Variants in C4orf51 observed in about 807,000 individuals in gnomAD.
C4orf51 encodes chromosome 4 open reading frame 51, also known as uncharacterized protein C4orf51.
C4orf51 carries 25 observed loss-of-function variants against 25.2 expected under a neutral mutation model. The observed-to-expected ratio is 0.99, with a 90% CI of 0.72 to 1.39. The LOEUF (loss-of-function observed/expected upper bound fraction) is 1.39, where lower values mean the gene tolerates loss of function less well. C4orf51 is among the 40% of genes most tolerant of loss of function. C4orf51 has a pLI of 0.00. For missense variants in C4orf51, 252 were observed against 239.6 expected (o/e 1.05, Z -0.34); for synonymous variants, 100 against 84.5 (o/e 1.18, Z -1.01).
intron 2 of C4orf51, among the ~76,000 whole-genome samples, chr4:145,714,113 C>A: frequency 6.6e-6 from 1 of 152,204 alleles, no homozygotes; most frequent in East Asian, 1.9e-4. Context: ...TGCTATTGCA[C>A]ACCTAATAGA....
intron 2 of C4orf51, among the ~76,000 whole-genome samples, chr4:145,703,296 C>T (rs905817978): frequency 6.6e-6 from 1 of 151,812 alleles, no homozygotes; most frequent in African/African-American, 2.4e-5. Flanking sequence ...CCACTGAGCA[C>T]CTTGCGACCC....
intron 1 of C4orf51, among the ~76,000 whole-genome samples, chr4:145,689,656 A>G (rs980251104): frequency 1.3e-5 from 2 of 152,148 alleles, no homozygotes; most frequent in Non-Finnish European, 2.9e-5. Flanking sequence ...AAAGACTATT[A>G]ATATTAAGTG....
intron 2 of C4orf51, among the ~76,000 whole-genome samples, chr4:145,717,443 A>G (rs1731483771): frequency 6.6e-6 from 1 of 152,272 alleles, no homozygotes; most frequent in Admixed American, 6.5e-5. Flanking sequence ...ACATCAAAGC[A>G]GAACTATTTA....
chr4:145,770,859 C>T (rs1222843194), intron 1 of C4orf51: 1 of 152,182 alleles, frequency 6.6e-6, no homozygotes, highest in Non-Finnish European at 1.5e-5. Context: ...ACATTTTAAG[C>T]CTCTTGGTAT....
intron 5 of C4orf51, 91 bp downstream of exon 5, chr4:145,730,056 G>A: frequency 9.6e-7 from 1 of 1,041,336 alleles, no homozygotes. Flanking sequence ...AGCAGGGGTG[G>A]TGGCCTGTGT....
chr4:145,700,573 C>T (rs1730368808), intron 2 of C4orf51, among the ~76,000 whole-genome samples: 1 of 152,182 alleles, frequency 6.6e-6, no homozygotes, highest in Non-Finnish European at 1.5e-5. Context: ...TTCCATCCTA[C>T]AAGATCTGAA....
At chr4:145,718,007 A>G (rs564251980) in intron 2 of C4orf51, among the ~76,000 whole-genome samples, 43 of 152,330 alleles carry the variant, frequency 2.8e-4, no homozygotes, top group African/African-American at 9.6e-4. Flanking sequence ...AGCAGAAGCA[A>G]CTTTATGAAG....
At chr4:145,741,964 G>A (rs970994634) in intron 1 of C4orf51, among the ~76,000 whole-genome samples, 17 of 152,260 alleles carry the variant, frequency 1.1e-4, no homozygotes, top group African/African-American at 4.1e-4. Flanking sequence ...GCCTCCCAAA[G>A]TGCTGAGATT....
Position 145,684,699 on chromosome 4 carries a change from G to C in C4orf51, c.233+4263G>C, listed in dbSNP as rs564422913. ...AGTGGGGAGGCTATGAATTTGAAGG[G>C]ACAGGAGGTTTATGGGAAATCTCTG... On this transcript the variant is annotated intron_variant, in intron 1 of 5. Transcript: ENST00000438731. Among the ~76,000 whole-genome samples, 4 of 152,212 alleles carry C rather than the reference G, an allele frequency of 2.6e-5. No homozygotes were observed. In the South Asian group the frequency reaches 8.3e-4, roughly 32 times the overall value.
intron 2 of C4orf51, among the ~76,000 whole-genome samples, chr4:145,708,139 G>A (rs1009619561): frequency 6.6e-6 from 1 of 152,174 alleles, no homozygotes; most frequent in Admixed American, 6.5e-5. Flanking sequence ...TAGTGGGCTC[G>A]CAGAGCAGCC....
At position 145,761,226 on chromosome 4, in the gene C4orf51, G is replaced by A. The variant is rs537093179; in HGVS notation, n.167-9762G>A. On this transcript the variant is annotated intron_variant and non_coding_transcript_variant, in intron 1 of 1. Coordinates refer to the C4orf51 transcript ENST00000510096. This position sits in a 1 kb window ranked among gnomAD's most constrained non-coding sequence, Gnocchi z 6.8. ...GCTTCTTGACGTGGCGGCTGAAGAC[G>A]AAAGGGTGTGTGGTCTTGAACAGGC... is the stretch of plus-strand genomic sequence containing the variant. The A allele has an allele frequency of 2.9e-4, 375 of 1,289,884 alleles. 1 individual carries two copies. The highest frequency in any genetic ancestry group is 6.4e-4 in the Middle Eastern group (3 of 4,696). 79.9% of individuals were successfully genotyped at this position (1,289,884 alleles called of 1,614,324 possible). A position where few individuals can be genotyped will look rare whatever the true frequency, so the allele number is the denominator to read the frequency against.
the C4orf51 span, chr4:145,779,579 T>G: frequency 6.4e-7 from 1 of 1,566,088 alleles, no homozygotes; most frequent in Non-Finnish European, 8.7e-7. Flanking sequence ...TAGTCAACAT[T>G]CAGGATTTCA....
chr4:145,730,468 G>T (rs533378484), intron 5 of C4orf51, among the ~76,000 whole-genome samples: 1 of 151,900 alleles, frequency 6.6e-6, no homozygotes, highest in African/African-American at 2.4e-5. Flanking sequence ...CAAACCCCAG[G>T]GCTTTTAAAC....
At chr4:145,755,696 A>G (rs566219793), downstream of C4orf51, among the ~76,000 whole-genome samples, 2 of 152,278 alleles carry the variant, frequency 1.3e-5, no homozygotes, top group African/African-American at 4.8e-5. Flanking sequence ...CACTTCACTT[A>G]CCCTGGGGCC....
the C4orf51 span, among the ~76,000 whole-genome samples, chr4:145,790,237 C>A: frequency 6.6e-6 from 1 of 152,082 alleles, no homozygotes; most frequent in East Asian, 1.9e-4. Flanking sequence ...AAAACATTAT[C>A]ATTGTTTGGG....
intron 2 of C4orf51, among the ~76,000 whole-genome samples, chr4:145,717,515 T>C (rs1731487428): frequency 6.6e-6 from 1 of 152,278 alleles, no homozygotes; most frequent in Non-Finnish European, 1.5e-5. Context: ...AATTTTGGAC[T>C]ATCAACATTA....
At position 145,732,598 on chromosome 4, in the gene C4orf51, T is replaced by C. The variant is rs1732539539; in HGVS notation, c.*38T>C. The C allele has an allele frequency of 6.8e-7, 1 of 1,471,648 alleles. No homozygotes were observed. The highest frequency in any genetic ancestry group is 1.2e-5 in the South Asian group (1 of 83,470). 91.2% of individuals were successfully genotyped at this position (1,471,648 alleles called of 1,614,324 possible). On this transcript the variant is annotated 3_prime_UTR_variant, in exon 6 of 6. Coordinates refer to ENST00000438731, the MANE Select transcript of C4orf51 (RefSeq NM_001080531.3). Reference sequence around the variant, plus strand: ...AGCCACAAGGCTGGAGGCGTGGAGTTTGCTTAATAAACAACTTTGAGGTAT... The same window carrying C: ...AGCCACAAGGCTGGAGGCGTGGAGTCTGCTTAATAAACAACTTTGAGGTAT...
chr4:145,726,498 C>A (rs960003693), intron 2 of C4orf51, among the ~76,000 whole-genome samples: 1 of 152,138 alleles, frequency 6.6e-6, no homozygotes. Flanking sequence ...ACTTCCCAGG[C>A]TCAGGCAATC....
At chr4:145,708,356 T>C (rs925117119) in intron 2 of C4orf51, among the ~76,000 whole-genome samples, 1 of 152,226 alleles carries the variant, frequency 6.6e-6, no homozygotes, top group Non-Finnish European at 1.5e-5. Context: ...TTTCTTGTTT[T>C]AAGGTTTGGG....
Sources: gnomAD v4.1 joint callset for allele counts (sites outside exome capture counted in the v4.1 genomes callset) on GRCh38, gnomAD v4.1.1 for gene constraint, Gnocchi (gnomAD v3.1) non-coding constraint, MANE v1.5 for transcripts, NCBI Gene and HGNC (gene_info 2026-07-23, HGNC 2026-07-21) for gene names.